Variants in RBFOX1 observed in about 807,000 individuals in gnomAD.
The protein encoded by RBFOX1 is RNA binding protein fox-1 homolog 1.
RBFOX1 carries 8 observed loss-of-function variants against 57.7 expected under a neutral mutation model. The observed-to-expected ratio is 0.14, with a 90% CI of 0.08 to 0.25. The LOEUF is 0.25. Ranked by LOEUF, RBFOX1 falls within the 10% of genes least tolerant of loss-of-function variation. The probability of loss-of-function intolerance (pLI) is 1.00; values close to 1 mark genes in which losing one functional copy is unlikely to be tolerated. For synonymous variants in RBFOX1, 326 were observed against 222.4 expected, an observed-to-expected ratio of 1.47 and a Z score of -4.15; for missense variants, 611 against 548.5, an observed-to-expected ratio of 1.11 and a Z score of -1.14.
intron 1 of RBFOX1, among the ~76,000 whole-genome samples, chr16:5,288,626 C>T (rs62017174): frequency 0.53 from 53,092 of 99,970 alleles, 10,028 homozygotes; most frequent in East Asian, 0.64. Context: ...TGTTTCCTTT[C>T]CTTTTCTTTT....
intron 4 of RBFOX1, among the ~76,000 whole-genome samples, chr16:5,868,692 G>A (rs906891389): frequency 2.0e-5 from 3 of 152,204 alleles, no homozygotes; most frequent in Non-Finnish European, 2.9e-5. Flanking sequence ...GGAAGCACAA[G>A]GATAGGGCAG....
intron 3 of RBFOX1, among the ~76,000 whole-genome samples, chr16:6,811,541 C>G (rs928288475): frequency 1.3e-5 from 2 of 152,082 alleles, no homozygotes; most frequent in East Asian, 3.9e-4. Flanking sequence ...TAAAAAGGTA[C>G]TTTTGTTTTG....
At chr16:6,444,474 A>C (rs2153033050) in intron 2 of RBFOX1, among the ~76,000 whole-genome samples, 1 of 152,232 alleles carries the variant, frequency 6.6e-6, no homozygotes, top group East Asian at 1.9e-4. Context: ...ATAATGAATA[A>C]GTCTCATGAG....
chr16:7,020,137 G>A (rs537204052), intron 3 of RBFOX1, among the ~76,000 whole-genome samples: 1 of 151,976 alleles, frequency 6.6e-6, no homozygotes, highest in Non-Finnish European at 1.5e-5. Flanking sequence ...GGCCAGGTGC[G>A]GCGTACCCGG....
chr16:6,143,959 C>CCACATATATATATATA (rs71404590), intron 1 of RBFOX1, among the ~76,000 whole-genome samples: 1,604 of 139,928 alleles, frequency 0.011, 69 homozygotes, highest in African/African-American at 0.043. Context: ...CCATACTCAG[C>CCACATATATATATATA]TATATATATA....
At chr16:7,567,728 A>C in intron 5 of RBFOX1, among the ~76,000 whole-genome samples, 1 of 37,832 alleles carries the variant, frequency 2.6e-5, no homozygotes, top group East Asian at 3.4e-4. Context: ...ATATATCCCT[A>C]TATATAATCC....
chr16:6,644,812 C>G (rs1341242323), intron 2 of RBFOX1, among the ~76,000 whole-genome samples: 3 of 152,168 alleles, frequency 2.0e-5, no homozygotes, highest in African/African-American at 4.8e-5. Flanking sequence ...TCCCCTAGAG[C>G]TTAGACTAAG....
intron 4 of RBFOX1, among the ~76,000 whole-genome samples, chr16:7,165,933 T>TACACATAC (rs1555525989): frequency 7.0e-6 from 1 of 143,156 alleles, no homozygotes. Context: ...CGCATGCACA[T>TACACATAC]ACACACACAC....
chr16:6,740,266 T>A (rs1023748809), intron 3 of RBFOX1, among the ~76,000 whole-genome samples: 1 of 152,152 alleles, frequency 6.6e-6, no homozygotes, highest in South Asian at 2.1e-4. Flanking sequence ...TTTTCTTAAC[T>A]CGATAAAGGA....
intron 2 of RBFOX1, among the ~76,000 whole-genome samples, chr16:6,637,250 T>A (rs186529933): frequency 8.2e-5 from 5 of 60,982 alleles, no homozygotes; most frequent in Admixed American, 6.0e-4. Flanking sequence ...ATTATATATA[T>A]TATATAATAT....
chr16:6,619,219 C>T (rs1442598800), intron 2 of RBFOX1, among the ~76,000 whole-genome samples: 2 of 151,558 alleles, frequency 1.3e-5, no homozygotes, highest in African/African-American at 2.4e-5. Context: ...CCCCCTTAAA[C>T]AGTGAGGCAG....
At chr16:5,447,304 T>G (rs964946527) in intron 1 of RBFOX1, among the ~76,000 whole-genome samples, 19 of 152,114 alleles carry the variant, frequency 1.2e-4, no homozygotes, top group Non-Finnish European at 1.8e-4. Context: ...ATAAGCTGTG[T>G]GACTTTAAAC....
At chr16:5,751,192 G>T (rs892653847) in intron 3 of RBFOX1, among the ~76,000 whole-genome samples, 7 of 152,104 alleles carry the variant, frequency 4.6e-5, no homozygotes, top group Admixed American at 3.9e-4. Context: ...AGCTCTCCCC[G>T]AAGGCTGTAA....
intron 4 of RBFOX1, among the ~76,000 whole-genome samples, chr16:7,183,716 C>T (rs763342626): frequency 4.6e-5 from 7 of 152,160 alleles, no homozygotes; most frequent in African/African-American, 7.2e-5. Flanking sequence ...ACACTGAACA[C>T]AAGCTAGTTC....
intron 1 of RBFOX1, among the ~76,000 whole-genome samples, chr16:5,338,189 A>G (rs888142223): frequency 3.9e-5 from 6 of 152,196 alleles, no homozygotes; most frequent in African/African-American, 1.2e-4. Context: ...GTTGTCTTCT[A>G]TGAGAACATG....
At chr16:7,396,663 A>G (rs1229891866) in intron 4 of RBFOX1, among the ~76,000 whole-genome samples, 1 of 152,202 alleles carries the variant, frequency 6.6e-6, no homozygotes, top group East Asian at 1.9e-4. Flanking sequence ...AGGTGGGCTG[A>G]GAGTGGTGAC....
At position 5,966,844 on chromosome 16, in the gene RBFOX1, C is replaced by T. The variant is rs1437111673; in HGVS notation, c.351+99509C>T. ...CAGATCCAAACCATATCAGCAGCCT[C>T]ATGGAAGTGCAATTCATGCCTCCAC... On this transcript the variant is annotated intron_variant, in intron 4 of 19. Transcript: ENST00000641259. Among the ~76,000 whole-genome samples, 10 of 152,060 alleles carry T rather than the reference C, an allele frequency of 6.6e-5. 1 individual carries two copies. The South Asian group carries it at 1.9e-3, about 28-fold the overall frequency.
rs559219051 is a variant in RBFOX1, at chr16:5,408,276, G to T, written c.220-58940G>T. On this transcript the variant is annotated intron_variant, in intron 1 of 2. Coordinates refer to the RBFOX1 transcript ENST00000585867. ...ATACAGAGACCCAAGATTGGAGAGAGATGACATGTTTTAAGTGCTTGAACT... is the reference window on the plus strand; with the variant it reads ...ATACAGAGACCCAAGATTGGAGAGATATGACATGTTTTAAGTGCTTGAACT... Among the ~76,000 whole-genome samples, 3 of 152,354 alleles carry T rather than the reference G, an allele frequency of 2.0e-5. No individual in the cohort carries two copies. The South Asian group carries it at 6.2e-4, about 32-fold the overall frequency.
At chr16:7,683,244 C>G (rs979254219) in intron 14 of RBFOX1, among the ~76,000 whole-genome samples, 1 of 150,176 alleles carries the variant, frequency 6.7e-6, no homozygotes, top group Non-Finnish European at 1.5e-5. Flanking sequence ...ATGTCAAGCT[C>G]TCAGTACTGA....
Sources: allele counts gnomAD v4.1 joint callset (sites outside exome capture counted in the v4.1 genomes callset), GRCh38; gene constraint gnomAD v4.1.1; transcripts MANE v1.5; gene names NCBI Gene and HGNC (gene_info 2026-07-23, HGNC 2026-07-21).